CDYL: variants seen among roughly 807,000 people sequenced by gnomAD.
The protein encoded by CDYL is chromodomain Y like, also known as chromodomain Y-like protein.
A neutral mutation model predicts 47.3 loss-of-function variants in CDYL; 8 were observed. The observed-to-expected ratio is 0.17, with a 90% CI of 0.10 to 0.31. The LOEUF (loss-of-function observed/expected upper bound fraction) is 0.31, where lower values mean the gene tolerates loss of function less well. Among genes scored for constraint, CDYL ranks in the 10% least tolerant of loss-of-function variants. CDYL has a pLI of 1.00. For synonymous variants in CDYL, 266 were observed against 265.0 expected (o/e 1.00, Z -0.04); for missense variants, 471 against 701.4 (o/e 0.67, Z 3.71).
At chr6:4,894,917 A>G (rs1762163851) in intron 2 of CDYL, among the ~76,000 whole-genome samples, 1 of 92,182 alleles carries the variant, frequency 1.1e-5, no homozygotes, top group East Asian at 3.6e-4. Context: ...GTGTGTATAT[A>G]TACACATATG....
chr6:4,847,141 G>A (rs184817473), intron 1 of CDYL, among the ~76,000 whole-genome samples: 13 of 152,278 alleles, frequency 8.5e-5, no homozygotes, highest in South Asian at 4.1e-4. Flanking sequence ...TAACTATTGC[G>A]TGCACCAAAA....
At chr6:4,847,815 A>G (rs982718152) in intron 1 of CDYL, among the ~76,000 whole-genome samples, 7 of 152,340 alleles carry the variant, frequency 4.6e-5, no homozygotes, top group East Asian at 1.9e-4. Context: ...CAGCCAAGGT[A>G]GGGCTCAACA....
intron 2 of CDYL, among the ~76,000 whole-genome samples, chr6:4,895,353 A>G (rs200452668): frequency 2.6e-4 from 2 of 7,780 alleles, no homozygotes; most frequent in African/African-American, 2.9e-4. Context: ...GCATGTATGT[A>G]TATATGTGCA....
intron 1 of CDYL, among the ~76,000 whole-genome samples, chr6:4,888,345 G>C (rs1342290559): frequency 1.3e-5 from 2 of 152,104 alleles, no homozygotes; most frequent in Admixed American, 1.3e-4. Context: ...ATATAGGCCT[G>C]TTTAGATTTT....
intron 5 of CDYL, among the ~76,000 whole-genome samples, chr6:4,947,446 C>A (rs1192068629): frequency 6.6e-6 from 1 of 152,162 alleles, no homozygotes; most frequent in East Asian, 1.9e-4. Flanking sequence ...GCTGACAAGT[C>A]CAGGGGCTAA....
intron 1 of CDYL, among the ~76,000 whole-genome samples, chr6:4,829,571 C>A (rs186016023): frequency 2.0e-5 from 3 of 152,326 alleles, no homozygotes; most frequent in Admixed American, 1.3e-4. Context: ...TTTCCCCTTA[C>A]ACCCACATGC....
intron 1 of CDYL, among the ~76,000 whole-genome samples, chr6:4,810,280 C>T (rs780969781): frequency 1.3e-5 from 2 of 152,120 alleles, no homozygotes; most frequent in African/African-American, 2.4e-5. Flanking sequence ...GCATCAGTTC[C>T]GAAATGATTT....
At chr6:4,706,274 G>A (rs544990948) in intron 1 of CDYL, 1 of 152,310 alleles carries the variant, frequency 6.6e-6, no homozygotes, top group African/African-American at 2.4e-5. Flanking sequence ...AGGAGGAAAT[G>A]GGAGGGGAGA....
chr6:4,831,797 T>C (rs1318266798), intron 1 of CDYL, among the ~76,000 whole-genome samples: 1 of 152,228 alleles, frequency 6.6e-6, no homozygotes, highest in Non-Finnish European at 1.5e-5. Flanking sequence ...TCACGTCCGT[T>C]GTAAGGTGGA....
At chr6:4,860,048 C>T (rs1156692815) in intron 1 of CDYL, among the ~76,000 whole-genome samples, 1 of 151,774 alleles carries the variant, frequency 6.6e-6, no homozygotes, top group Non-Finnish European at 1.5e-5. Flanking sequence ...ACCACAGGCG[C>T]CCGCCACTAC....
chr6:4,776,872 C>A (rs868407861), intron 1 of CDYL, 65 bp downstream of exon 1: 2 of 757,456 alleles, frequency 2.6e-6, no homozygotes, highest in Non-Finnish European at 1.6e-6. Context: ...CCGGCCGCGC[C>A]GCCCGACGGC....
intron 2 of CDYL, among the ~76,000 whole-genome samples, chr6:4,931,432 C>A (rs1201081398): frequency 6.6e-6 from 1 of 152,156 alleles, no homozygotes. Context: ...GCAGAAGAAA[C>A]TGGCCATTTG....
At chr6:4,931,967 G>A (rs577835367) in intron 2 of CDYL, among the ~76,000 whole-genome samples, 17 of 152,342 alleles carry the variant, frequency 1.1e-4, no homozygotes, top group Admixed American at 6.5e-4. Context: ...TATAAAGGCT[G>A]CATGGGCTCC....
intron 3 of CDYL, among the ~76,000 whole-genome samples, chr6:4,743,377 T>C (rs1757831716): frequency 6.6e-6 from 1 of 152,192 alleles, no homozygotes; most frequent in African/African-American, 2.4e-5. Context: ...GTCTAATCTT[T>C]ACAAAGCTAT....
intron 1 of CDYL, among the ~76,000 whole-genome samples, chr6:4,793,614 A>G (rs962696653): frequency 6.6e-6 from 1 of 152,214 alleles, no homozygotes; most frequent in Non-Finnish European, 1.5e-5. Flanking sequence ...GCCAGATGCT[A>G]TCTGGGCAAC....
chr6:4,922,850 G>A (rs1044376901), intron 2 of CDYL, among the ~76,000 whole-genome samples: 18 of 152,332 alleles, frequency 1.2e-4, no homozygotes, highest in Non-Finnish European at 2.4e-4. Flanking sequence ...CGGGTGCCCA[G>A]CCTCGGGGTG....
chr6:4,939,359 C>T (rs1358150124), intron 4 of CDYL, among the ~76,000 whole-genome samples: 1 of 152,066 alleles, frequency 6.6e-6, no homozygotes, highest in Non-Finnish European at 1.5e-5. Context: ...CAAGATGGCT[C>T]TGATGGGCAC....
intron 1 of CDYL, among the ~76,000 whole-genome samples, chr6:4,849,076 A>G (rs1253717456): frequency 6.6e-6 from 1 of 152,160 alleles, no homozygotes; most frequent in Non-Finnish European, 1.5e-5. Context: ...TTTAGGTTTA[A>G]TCATATTTAG....
At chr6:4,807,591 C>CTTT (rs70974139) in intron 1 of CDYL, among the ~76,000 whole-genome samples, 1 of 42,898 alleles carries the variant, frequency 2.3e-5, no homozygotes, top group Non-Finnish European at 4.0e-5. Context: ...TCATTCATGT[C>CTTT]TTTTTTTTTT....
Sources: allele counts gnomAD v4.1 joint callset (sites outside exome capture counted in the v4.1 genomes callset), GRCh38; gene constraint gnomAD v4.1.1; transcripts MANE v1.5; gene names NCBI Gene and HGNC (gene_info 2026-07-23, HGNC 2026-07-21).